Variants in FRMPD4 observed in about 807,000 individuals in gnomAD.
FRMPD4 encodes the protein FERM and PDZ domain containing 4.
Under a neutral mutation model 94.1 loss-of-function variants are expected in FRMPD4, and 22 were observed. That is an observed-to-expected ratio of 0.23 (90% CI 0.17 to 0.33). FRMPD4 has a LOEUF of 0.33. Among genes scored for constraint, FRMPD4 ranks in the 10% least tolerant of loss-of-function variants. The pLI is 1.00. For synonymous variants in FRMPD4, 631 were observed against 548.6 expected, an observed-to-expected ratio of 1.15 and a Z score of -2.10; for missense variants, 1,111 against 1,339.9, an observed-to-expected ratio of 0.83 and a Z score of 2.67.
At chrX:11,976,712 A>C (rs1043828044) in intron 3 of FRMPD4, among the ~76,000 whole-genome samples, 1 of 112,179 alleles carries the variant, frequency 8.9e-6, no homozygotes, top group Non-Finnish European at 1.9e-5. Context: ...ATTGCCATTC[A>C]AGTTGTCTCT....
At chrX:12,400,462 C>T (rs778234898) in intron 1 of FRMPD4, among the ~76,000 whole-genome samples, 16 of 111,793 alleles carry the variant, frequency 1.4e-4, no homozygotes, top group Non-Finnish European at 2.3e-4. Context: ...ATGTAGCAAG[C>T]GCCATGTCAT....
intron 2 of FRMPD4, among the ~76,000 whole-genome samples, chrX:12,536,898 AT>A (rs2148299089): frequency 9.0e-6 from 1 of 111,717 alleles, no homozygotes; most frequent in East Asian, 2.8e-4. Context: ...TTTATTTAAA[AT>A]TTTGATAATT....
At chrX:12,244,801 A>C (rs1270304129) in intron 1 of FRMPD4, among the ~76,000 whole-genome samples, 1 of 111,859 alleles carries the variant, frequency 8.9e-6, no homozygotes, top group African/African-American at 3.3e-5. Flanking sequence ...GGACAGTTCC[A>C]GTGGGTCTGT....
rs535796640 is a variant in FRMPD4 at position 12,192,177 on chromosome X, T to C, written c.41+53165T>C. 9.2e-4 allele frequency among the ~76,000 whole-genome samples: 103 copies of C among 112,128 alleles called. 1 individual carries two copies. In the South Asian group the frequency reaches 0.038, roughly 41 times the overall value. ...CCATTTGAATGAGCTGTGTCTCTTG[T>C]CTGCTGGTTGAAGCAACTGTGTCAC... On this transcript the variant is annotated intron_variant, in intron 1 of 16. Coordinates refer to ENST00000675598, the MANE Select transcript of FRMPD4 (RefSeq NM_001368397.1).
At chrX:12,148,985 T>G (rs1396305854) in intron 1 of FRMPD4, 3 of 112,133 alleles carry the variant, frequency 2.7e-5, no homozygotes, top group Non-Finnish European at 5.6e-5. Context: ...CCATTGACAA[T>G]GTACCTGGTC....
At chrX:12,513,772 A>G (rs1293799237) in intron 2 of FRMPD4, among the ~76,000 whole-genome samples, 1 of 112,016 alleles carries the variant, frequency 8.9e-6, no homozygotes, top group South Asian at 3.7e-4. Flanking sequence ...TGGTAGTTCA[A>G]TGGGAATAGC....
At chrX:12,055,485 G>C (rs186884386) in intron 3 of FRMPD4, among the ~76,000 whole-genome samples, 2 of 111,795 alleles carry the variant, frequency 1.8e-5, no homozygotes, top group East Asian at 5.6e-4. Flanking sequence ...CTCCCCCTTT[G>C]CCTTCTGCCG....
At chrX:12,352,767 C>A (rs1391971178) in intron 1 of FRMPD4, among the ~76,000 whole-genome samples, 1 of 111,982 alleles carries the variant, frequency 8.9e-6, no homozygotes, top group Non-Finnish European at 1.9e-5. Flanking sequence ...ACATACATAT[C>A]AAAAATATGA....
At chrX:11,923,616 C>G (rs778209031) in intron 3 of FRMPD4, among the ~76,000 whole-genome samples, 45 of 112,010 alleles carry the variant, frequency 4.0e-4, no homozygotes, top group Non-Finnish European at 7.1e-4. Flanking sequence ...AGTTGGGGCC[C>G]AATACAAGTC....
intron 3 of FRMPD4, among the ~76,000 whole-genome samples, chrX:12,022,811 A>C (rs1208782592): frequency 9.0e-6 from 1 of 111,244 alleles, no homozygotes; most frequent in African/African-American, 3.3e-5. Context: ...GTCAAGAAGG[A>C]GCCCTGGGGA....
Position 12,344,925 on chromosome X carries a change from A to G in FRMPD4, c.42-153755A>G, listed in dbSNP as rs144045409. Among the ~76,000 whole-genome samples, 788 of 112,340 alleles carry G rather than the reference A, an allele frequency of 7.0e-3. 7 individuals carry two copies. Among genetic ancestry groups the G allele is most frequent in the African/African-American group, 0.024 (756 of 30,893 alleles). On this transcript the variant is annotated intron_variant, in intron 1 of 16. Coordinates refer to ENST00000675598, the MANE Select transcript of FRMPD4 (RefSeq NM_001368397.1). ...CATCTAAGCACACACAAAGCAGGAA[A>G]AAAATCGTAATCAAACTCCTTCAAG...
intron 3 of FRMPD4, among the ~76,000 whole-genome samples, chrX:12,084,181 G>GA (rs1421696385): frequency 2.0e-5 from 2 of 100,578 alleles, no homozygotes; most frequent in Admixed American, 2.1e-4. Flanking sequence ...ACCCAGTGGG[G>GA]GGGGGGGTAA....
chrX:12,334,016 A>G (rs12012358), intron 1 of FRMPD4, among the ~76,000 whole-genome samples: 8,976 of 111,586 alleles, frequency 0.08, 837 homozygotes, highest in African/African-American at 0.27. Flanking sequence ...GTGGTTCTGC[A>G]TTATCCTTTC....
chrX:12,515,938 T>C (rs953381451), intron 2 of FRMPD4, among the ~76,000 whole-genome samples: 2 of 112,231 alleles, frequency 1.8e-5, no homozygotes, highest in Non-Finnish European at 3.8e-5. Context: ...ATTCACCCCT[T>C]TACCATTATA....
At chrX:12,682,857 A>G (rs1226641845) in intron 5 of FRMPD4, among the ~76,000 whole-genome samples, 3 of 111,972 alleles carry the variant, frequency 2.7e-5, no homozygotes, top group Non-Finnish European at 5.6e-5. Flanking sequence ...TCAACTTTCA[A>G]TTGTAATGAA....
intron 3 of FRMPD4, among the ~76,000 whole-genome samples, chrX:12,003,695 G>A (rs2054535983): frequency 8.9e-6 from 1 of 112,204 alleles, no homozygotes; most frequent in Non-Finnish European, 1.9e-5. Context: ...ATGAGCCACC[G>A]CTCCTGGCCC....
intron 3 of FRMPD4, among the ~76,000 whole-genome samples, chrX:12,083,732 A>G (rs376852527): frequency 3.9e-4 from 44 of 112,662 alleles, no homozygotes; most frequent in East Asian, 2.0e-3. Flanking sequence ...CTTGCATCTG[A>G]ATGACCTGGA....
intron 2 of FRMPD4, among the ~76,000 whole-genome samples, chrX:12,581,909 ACTT>A (rs1217202399): frequency 9.0e-6 from 1 of 111,109 alleles, no homozygotes; most frequent in Non-Finnish European, 1.9e-5. Flanking sequence ...GCCATCTGAC[ACTT>A]CTTTATTCAT....
intron 9 of FRMPD4, among the ~76,000 whole-genome samples, chrX:12,701,067 C>CT (rs34465193): frequency 0.03 from 1,706 of 56,425 alleles, 31 homozygotes; most frequent in African/African-American, 0.045. Context: ...GTTTTGGCTT[C>CT]TTTTTTTTTT....
Sources: allele counts gnomAD v4.1 joint callset (sites outside exome capture counted in the v4.1 genomes callset), GRCh38; gene constraint gnomAD v4.1.1; transcripts MANE v1.5; gene names NCBI Gene and HGNC (gene_info 2026-07-23, HGNC 2026-07-21).